Variants in CACNA1C observed in about 807,000 individuals in gnomAD.
The protein encoded by CACNA1C is voltage-dependent L-type calcium channel subunit alpha-1C.
A neutral mutation model predicts 229.0 loss-of-function variants in CACNA1C; 30 were observed. The ratio of observed to expected loss-of-function variants is 0.13; its 90% CI spans 0.10 to 0.18. The LOEUF (loss-of-function observed/expected upper bound fraction) is 0.18. CACNA1C is among the 10% of genes least tolerant of loss of function. The pLI is 1.00. For missense variants in CACNA1C, 1,658 were observed against 2,845.0 expected (o/e 0.58, Z 9.49); for synonymous variants, 1,114 against 1,132.5 (o/e 0.98, Z 0.33).
intron 3 of CACNA1C, among the ~76,000 whole-genome samples, chr12:2,185,518 G>A (rs949397088): frequency 6.6e-6 from 1 of 152,206 alleles, no homozygotes; most frequent in Admixed American, 6.5e-5. Flanking sequence ...AGACCATTAG[G>A]GTGGGCCTAC....
At chr12:2,126,527 C>T (rs1209456895) in intron 3 of CACNA1C, among the ~76,000 whole-genome samples, 2 of 152,218 alleles carry the variant, frequency 1.3e-5, no homozygotes, top group African/African-American at 4.8e-5. Flanking sequence ...ATATATTTGG[C>T]ATTTGACCTT....
intron 5 of CACNA1C, among the ~76,000 whole-genome samples, chr12:2,466,504 A>G (rs1052056651): frequency 6.6e-6 from 1 of 152,230 alleles, no homozygotes; most frequent in Non-Finnish European, 1.5e-5. Flanking sequence ...GGAGTCCCAG[A>G]GAAGATCCCA....
chr12:2,622,476 AT>A (rs1454842287), intron 29 of CACNA1C, among the ~76,000 whole-genome samples: 2 of 152,022 alleles, frequency 1.3e-5, no homozygotes, highest in African/African-American at 2.4e-5. Context: ...CATACTAGAA[AT>A]CCTTGCCCTG....
upstream of CACNA1C, among the ~76,000 whole-genome samples, chr12:2,052,137 C>G (rs552264491): frequency 1.6e-4 from 24 of 152,108 alleles, no homozygotes; most frequent in Admixed American, 7.2e-4. Flanking sequence ...AGGAGAGGTG[C>G]TGGATAGATT....
At chr12:2,087,076 T>A (rs1169965886) in intron 1 of CACNA1C, among the ~76,000 whole-genome samples, 6 of 152,220 alleles carry the variant, frequency 3.9e-5, no homozygotes, top group South Asian at 4.1e-4. Flanking sequence ...TGGGTTTTTT[T>A]ATCTCTGCCC....
Position 2,566,418 on chromosome 12 carries a change from C to A in CACNA1C, c.1509-4C>A. ...CCACCCTTCTCTCCCTGTCCCCTTTCCAGCCGCTACTGGCGCCGGTGGAAT... is the reference window on the plus strand; with the variant it reads ...CCACCCTTCTCTCCCTGTCCCCTTTACAGCCGCTACTGGCGCCGGTGGAAT... On this transcript the variant is annotated splice_region_variant and splice_polypyrimidine_tract_variant and intron_variant, in intron 11 of 46. Transcript: ENST00000399655. This position sits in a 1 kb window ranked among gnomAD's most constrained non-coding sequence, Gnocchi z 4.0. 6.3e-7 allele frequency: 1 copy of A among 1,586,782 alleles called. No individual in the cohort carries two copies. Among genetic ancestry groups the A allele is most frequent in the Non-Finnish European group, 8.6e-7 (1 of 1,165,956 alleles).
chr12:2,169,051 C>T (rs897947780), intron 3 of CACNA1C, among the ~76,000 whole-genome samples: 1 of 152,166 alleles, frequency 6.6e-6, no homozygotes, highest in Non-Finnish European at 1.5e-5. Flanking sequence ...TCCAGCCGCT[C>T]GCCTTCAGCA....
intron 1 of CACNA1C, among the ~76,000 whole-genome samples, chr12:1,985,501 C>T (rs938729849): frequency 1.3e-5 from 2 of 152,116 alleles, no homozygotes; most frequent in Non-Finnish European, 2.9e-5. Flanking sequence ...CCATTCTTTT[C>T]AAGAGTATCC....
intron 1 of CACNA1C, among the ~76,000 whole-genome samples, chr12:1,974,996 T>C (rs988660521): frequency 2.0e-5 from 3 of 152,154 alleles, no homozygotes; most frequent in African/African-American, 7.2e-5. Context: ...TTAACAATGA[T>C]AGGAATAGCT....
rs73603743 is a variant in CACNA1C at position 2,098,585 on chromosome 12, C to T, written c.50-16639C>T. Among the ~76,000 whole-genome samples, 904 of 152,314 alleles carry T rather than the reference C, an allele frequency of 5.9e-3. 9 individuals carry two copies. Among genetic ancestry groups the T allele is most frequent in the African/African-American group, 0.02 (849 of 41,566 alleles). The stretch of plus-strand genomic sequence containing the variant: ...AGAGGATCCTTGAGGAATGCAGCAC[C>T]ATTTTCAAGGATCTCTGGAATTCTG... On this transcript the variant is annotated intron_variant, in intron 1 of 46. Coordinates refer to ENST00000399655, the MANE Select transcript of CACNA1C (RefSeq NM_000719.7).
At chr12:2,439,714 G>GTT (rs57831176) in intron 3 of CACNA1C, among the ~76,000 whole-genome samples, 3 of 145,332 alleles carry the variant, frequency 2.1e-5, no homozygotes, top group South Asian at 2.2e-4. Flanking sequence ...TTTGAGAAGG[G>GTT]TTTTTTTTTT....
intron 1 of CACNA1C, among the ~76,000 whole-genome samples, chr12:1,985,612 C>T (rs1447312016): frequency 6.6e-6 from 1 of 152,062 alleles, no homozygotes; most frequent in Non-Finnish European, 1.5e-5. Flanking sequence ...TTTTCCTTGA[C>T]AGTTTGGCAT....
chr12:2,633,072 C>T lies in CACNA1C; in HGVS notation c.3829-1225C>T, dbSNP rs2091239153. Among the ~76,000 whole-genome samples, 1 of 152,172 alleles carries T rather than the reference C, an allele frequency of 6.6e-6. No individual in the cohort carries two copies. The highest frequency in any genetic ancestry group is 2.4e-5 in the African/African-American group (1 of 41,436). On this transcript the variant is annotated intron_variant, in intron 29 of 46. Coordinates refer to ENST00000399655, the MANE Select transcript of CACNA1C (RefSeq NM_000719.7). The surrounding 1 kb of genome is among the most constrained non-coding windows in gnomAD (Gnocchi z 5.8). ...TTATTTTTGAGCTTTATATGAGTCA[C>T]CAGTGAGCCCAGATAACCTGCCACC...
Position 2,449,074 on chromosome 12 carries a change from C to T in CACNA1C, c.576C>T (p.Arg192=). The T allele has an allele frequency of 6.3e-7, 1 of 1,582,234 alleles. No homozygotes were observed. The highest frequency in any genetic ancestry group is 1.2e-5 in the South Asian group (1 of 86,836). The change falls in exon 4 of 47, where the codon CGC becomes CGT. Residue 192 remains arginine, a synonymous_variant. Transcript: ENST00000399655. ...GLLFHPNAYL[R]NGWNLLDFII... ...TCTTTCACCCCAATGCCTACCTCCG[C>T]AACGGCTGGAACCTACTAGATTTTA...
At chr12:2,112,022 C>G (rs923527943) in intron 1 of CACNA1C, among the ~76,000 whole-genome samples, 3 of 152,150 alleles carry the variant, frequency 2.0e-5, no homozygotes, top group Non-Finnish European at 4.4e-5. Context: ...CCTTGTCTGT[C>G]ACCATGTACA....
intron 1 of CACNA1C, among the ~76,000 whole-genome samples, chr12:2,070,123 C>A (rs1425688253): frequency 6.6e-6 from 1 of 152,098 alleles, no homozygotes; most frequent in African/African-American, 2.4e-5. Flanking sequence ...CATTTCTGAG[C>A]TAAATTTGCA....
chr12:2,578,187 G>C (rs1481259099), intron 13 of CACNA1C, among the ~76,000 whole-genome samples: 1 of 152,214 alleles, frequency 6.6e-6, no homozygotes, highest in African/African-American at 2.4e-5. Context: ...TATTCTTTGA[G>C]AGTAATGAGG....
intron 3 of CACNA1C, among the ~76,000 whole-genome samples, chr12:2,445,869 C>T (rs1403160253): frequency 6.6e-6 from 1 of 152,176 alleles, no homozygotes; most frequent in Non-Finnish European, 1.5e-5. Context: ...TATTGCTGCT[C>T]TCTCTGCCAG....
chr12:2,464,842 A>G (rs2099539981), intron 5 of CACNA1C, among the ~76,000 whole-genome samples: 1 of 152,200 alleles, frequency 6.6e-6, no homozygotes, highest in Non-Finnish European at 1.5e-5. Context: ...TCAGGTGAGG[A>G]CTGTTTCCTG....
Sources: allele counts gnomAD v4.1 joint callset (sites outside exome capture counted in the v4.1 genomes callset), GRCh38; gene constraint gnomAD v4.1.1; non-coding constraint Gnocchi (gnomAD v3.1); transcripts MANE v1.5; gene names NCBI Gene and HGNC (gene_info 2026-07-23, HGNC 2026-07-21).